The following SLC8A1 variants were observed in gnomAD, a reference collection of about 807,000 sequenced individuals.
The protein encoded by SLC8A1 is solute carrier family 8 member A1.
In SLC8A1, 18 loss-of-function variants were observed where a neutral mutation model predicts 68.3. That is an observed-to-expected ratio of 0.26 (90% CI 0.18 to 0.39). SLC8A1 has a LOEUF of 0.39. SLC8A1 is among the 10% of genes least tolerant of loss of function. The pLI is 1.00. For synonymous variants in SLC8A1, 475 were observed against 415.5 expected (o/e 1.14, Z -1.74); for missense variants, 985 against 1,156.7 (o/e 0.85, Z 2.15).
exon 8 of SLC8A1, chr2:40,112,951 T>C (rs2034745044): frequency 1.3e-5 from 2 of 152,364 alleles, no homozygotes; most frequent in African/African-American, 4.8e-5. Flanking sequence ...TTTGATACAG[T>C]TTCAGTGTGT....
chr2:40,454,329 T>G (rs1187219917), upstream of SLC8A1, among the ~76,000 whole-genome samples: 1 of 152,178 alleles, frequency 6.6e-6, no homozygotes, highest in Non-Finnish European at 1.5e-5. Context: ...ATAGATTTTG[T>G]GGAAAGAGTG....
chr2:40,188,233 A>G (rs1272119463), intron 2 of SLC8A1, among the ~76,000 whole-genome samples: 2 of 152,228 alleles, frequency 1.3e-5, no homozygotes, highest in Non-Finnish European at 2.9e-5. Flanking sequence ...CTATTTTTCT[A>G]TAATCTGAGA....
At chr2:40,320,082 T>A (rs2075004591) in intron 2 of SLC8A1, among the ~76,000 whole-genome samples, 1 of 152,114 alleles carries the variant, frequency 6.6e-6, no homozygotes, top group African/African-American at 2.4e-5. Flanking sequence ...TTGGTATTTG[T>A]CTCATGTCAT....
chr2:40,335,373 A>T (rs1050308811), intron 2 of SLC8A1, among the ~76,000 whole-genome samples: 4 of 152,226 alleles, frequency 2.6e-5, no homozygotes, highest in Non-Finnish European at 2.9e-5. Context: ...TGTATTTCAA[A>T]TTCAGATATG....
At chr2:40,199,631 C>A (rs538555641) in intron 2 of SLC8A1, among the ~76,000 whole-genome samples, 1 of 151,728 alleles carries the variant, frequency 6.6e-6, no homozygotes, top group Non-Finnish European at 1.5e-5. Context: ...CGGAAGCAAG[C>A]AGAACAAGTT....
chr2:40,427,975 C>T (rs1576409825), intron 2 of SLC8A1, among the ~76,000 whole-genome samples: 1 of 152,090 alleles, frequency 6.6e-6, no homozygotes, highest in East Asian at 1.9e-4. Flanking sequence ...CACAATGTCA[C>T]ATAAAAGCCA....
chr2:40,502,643 C>T (rs1391198973), intron 1 of SLC8A1, among the ~76,000 whole-genome samples: 2 of 151,958 alleles, frequency 1.3e-5, no homozygotes, highest in Non-Finnish European at 2.9e-5. Flanking sequence ...CATTCAAATA[C>T]TTTCATGTGA....
At chr2:40,178,310 T>A in intron 2 of SLC8A1, 77 bp downstream of exon 3, 1 of 1,054,358 alleles carries the variant, frequency 9.5e-7, no homozygotes. Flanking sequence ...TAAGTCATGT[T>A]CTGAAGAGTG....
chr2:40,291,739 G>A (rs1032080772), intron 2 of SLC8A1, among the ~76,000 whole-genome samples: 4 of 151,948 alleles, frequency 2.6e-5, no homozygotes, highest in Admixed American at 2.0e-4. Flanking sequence ...TGCACCTTTT[G>A]TTATTTTATG....
At chr2:40,311,608 G>T (rs1008489660) in intron 2 of SLC8A1, among the ~76,000 whole-genome samples, 1 of 151,966 alleles carries the variant, frequency 6.6e-6, no homozygotes, top group Admixed American at 6.6e-5. Flanking sequence ...TATATACAAA[G>T]AATATATCTG....
chr2:40,120,823 T>G (rs1043205890), intron 7 of SLC8A1: 2 of 152,210 alleles, frequency 1.3e-5, no homozygotes, highest in African/African-American at 4.8e-5. Context: ...GGCAAAATTA[T>G]CAACTTCAAA....
At chr2:40,298,070 C>G (rs990433647) in intron 2 of SLC8A1, among the ~76,000 whole-genome samples, 1 of 151,968 alleles carries the variant, frequency 6.6e-6, no homozygotes, top group Non-Finnish European at 1.5e-5. Flanking sequence ...TTAGTAGAGA[C>G]AGAATTTCAC....
intron 2 of SLC8A1, among the ~76,000 whole-genome samples, chr2:40,200,195 T>TG (rs1316275429): frequency 1.1e-4 from 1 of 8,850 alleles, no homozygotes; most frequent in African/African-American, 2.7e-4. Context: ...TATATATTTA[T>TG]ATATATATAT....
chr2:40,156,360 G>GTTTTTTT lies in SLC8A1; in HGVS notation c.2161+4398_2161+4404dup, dbSNP rs71404280. On this transcript the variant is annotated intron_variant, in intron 6 of 7. Coordinates refer to ENST00000406785, the Ensembl canonical transcript of SLC8A1. Reference sequence around the variant, plus strand: ...AAGAGACAGAACCAAAACTGCTGGAGTTTTTTTTTTTTTGAGTCACTTTTG... The same window carrying GTTTTTTT: ...AAGAGACAGAACCAAAACTGCTGGAGTTTTTTTTTTTTTTTTTTTTGAGTCACTTTTG... Among the ~76,000 whole-genome samples, 27 of 140,792 alleles carry GTTTTTTT rather than the reference G, an allele frequency of 1.9e-4. 2 individuals carry two copies. The highest frequency in any genetic ancestry group is 6.5e-4 in the African/African-American group (25 of 38,590). The allele number at this position is 140,792 out of a possible 152,430, so 92.4% of individuals were successfully genotyped here.
chr2:40,397,993 T>A (rs1209177556), intron 2 of SLC8A1, among the ~76,000 whole-genome samples: 4 of 152,186 alleles, frequency 2.6e-5, no homozygotes, highest in Admixed American at 6.5e-5. Context: ...ATGTTTCAAC[T>A]GCCAGGAAAA....
intron 2 of SLC8A1, among the ~76,000 whole-genome samples, chr2:40,317,013 A>T (rs932917708): frequency 3.3e-5 from 5 of 151,948 alleles, no homozygotes; most frequent in Non-Finnish European, 7.4e-5. Flanking sequence ...TACTTTGTTC[A>T]CTCATACGGA....
chr2:40,446,011 C>A (rs1326979950), intron 1 of SLC8A1, among the ~76,000 whole-genome samples: 1 of 152,118 alleles, frequency 6.6e-6, no homozygotes, highest in Non-Finnish European at 1.5e-5. Context: ...CAGCAGAGAA[C>A]CAAAGGGTGG....
chr2:40,506,375 A>T (rs1252419335), intron 1 of SLC8A1, among the ~76,000 whole-genome samples: 3 of 151,944 alleles, frequency 2.0e-5, no homozygotes, highest in African/African-American at 4.8e-5. Context: ...TAGAATGGTT[A>T]TCTATTTAGT....
intron 2 of SLC8A1, among the ~76,000 whole-genome samples, chr2:40,293,720 C>T (rs2069767724): frequency 6.6e-6 from 1 of 152,096 alleles, no homozygotes; most frequent in Non-Finnish European, 1.5e-5. Flanking sequence ...ATTGAAAAGT[C>T]CTCGATTAGG....
Sources: allele counts gnomAD v4.1 joint callset (sites outside exome capture counted in the v4.1 genomes callset), GRCh38; gene constraint gnomAD v4.1.1; transcripts MANE v1.5; gene names NCBI Gene and HGNC (gene_info 2026-07-23, HGNC 2026-07-21).